DTD1: variants seen among roughly 807,000 people sequenced by gnomAD.
DTD1 encodes D-aminoacyl-tRNA deacylase 1, also known as D-tyrosyl-tRNA deacylase 1 homolog.
A neutral mutation model predicts 25.6 loss-of-function variants in DTD1; 13 were observed. The ratio of observed to expected loss-of-function variants is 0.51; its 90% CI spans 0.33 to 0.81. The LOEUF (loss-of-function observed/expected upper bound fraction) is 0.81. Among genes scored for constraint, DTD1 ranks in the 30% least tolerant of loss-of-function variants. The probability of loss-of-function intolerance (pLI) is 0.02; values close to 1 mark genes in which losing one functional copy is unlikely to be tolerated. For synonymous variants in DTD1, 110 were observed against 103.6 expected, an observed-to-expected ratio of 1.06 and a Z score of -0.37; for missense variants, 193 against 266.4, an observed-to-expected ratio of 0.72 and a Z score of 1.92.
intron 4 of DTD1, among the ~76,000 whole-genome samples, chr20:18,694,925 A>C (rs918050285): frequency 3.3e-5 from 5 of 152,188 alleles, no homozygotes; most frequent in Non-Finnish European, 7.3e-5. Flanking sequence ...TATGTACAGT[A>C]TGTGAAGAAA....
chr20:18,613,694 T>G (rs1041470737), intron 3 of DTD1, among the ~76,000 whole-genome samples: 1 of 152,206 alleles, frequency 6.6e-6, no homozygotes, highest in African/African-American at 2.4e-5. Context: ...CTGAGGTGAC[T>G]GGTGTGATGC....
chr20:18,650,596 T>C (rs527605362), intron 4 of DTD1, among the ~76,000 whole-genome samples: 4 of 152,232 alleles, frequency 2.6e-5, no homozygotes, highest in Non-Finnish European at 5.9e-5. Context: ...ATTGTCACTG[T>C]ATCTATTGGT....
intron 4 of DTD1, among the ~76,000 whole-genome samples, chr20:18,672,969 G>A (rs896195303): frequency 6.6e-6 from 1 of 152,196 alleles, no homozygotes; most frequent in East Asian, 1.9e-4. Context: ...TCGTCCAGCT[G>A]GGTTCTGCTT....
At chr20:18,708,252 T>TTTTATATATATAA (rs2061138740) in intron 4 of DTD1, among the ~76,000 whole-genome samples, 1 of 31,780 alleles carries the variant, frequency 3.1e-5, no homozygotes, top group East Asian at 1.4e-3. Context: ...ATAATATATA[T>TTTTATATATATAA]TATATATATA....
rs571839386 is a variant in DTD1 at position 18,687,582 on chromosome 20, A to G, written c.478-56518A>G. ...TCTTTTTCTCTTTTTTTATTGAGAT[A>G]AGGTTTCTGTCACCCAGGCTGGAGT... On this transcript the variant is annotated intron_variant, in intron 4 of 5. Transcript: ENST00000377452. Among the ~76,000 whole-genome samples, 5 of 152,060 alleles carry G rather than the reference A, an allele frequency of 3.3e-5. No homozygotes were observed. The South Asian group carries it at 1.0e-3, about 32-fold the overall frequency.
chr20:18,754,799 GCAA>G (rs1451429011), intron 5 of DTD1, among the ~76,000 whole-genome samples: 2 of 152,208 alleles, frequency 1.3e-5, no homozygotes, highest in Admixed American at 6.5e-5. Flanking sequence ...GAAATAGAGA[GCAA>G]CGTCTATTGA....
chr20:18,678,758 T>C (rs6132098), intron 4 of DTD1: 127,685 of 152,102 alleles, frequency 0.84, 54,468 homozygotes, highest in Non-Finnish European at 0.93. Flanking sequence ...CCGCCCTTCC[T>C]CTTCCCTTCC....
intron 1 of DTD1, among the ~76,000 whole-genome samples, chr20:18,592,879 C>T (rs1474400417): frequency 1.3e-5 from 2 of 151,566 alleles, no homozygotes; most frequent in East Asian, 1.9e-4. Flanking sequence ...GATGGGATTT[C>T]GCCATGTTGG....
intron 4 of DTD1, among the ~76,000 whole-genome samples, chr20:18,671,802 G>A (rs2060952049): frequency 6.6e-6 from 1 of 152,194 alleles, no homozygotes; most frequent in African/African-American, 2.4e-5. Context: ...AAGTGAGGTT[G>A]CTGGGGCAAG....
In DTD1 at chr20:18,708,011, G is replaced by T. The variant is rs1167969556; in HGVS notation, c.478-36089G>T. Among the ~76,000 whole-genome samples the T allele has an allele frequency of 7.3e-5, 11 of 150,476 alleles. 1 individual carries two copies. Among genetic ancestry groups the T allele is most frequent in the African/African-American group, 2.7e-4 (11 of 40,760 alleles). ...GGCGGGGCTTTGGGCCCATGCATTA[G>T]GGGATGGTTAGGAGCTTGGGGAGAC... On this transcript the variant is annotated intron_variant, in intron 4 of 5. Coordinates refer to ENST00000377452, the MANE Select transcript of DTD1 (RefSeq NM_080820.6).
At chr20:18,737,187 A>T (rs997054851) in intron 4 of DTD1, among the ~76,000 whole-genome samples, 1 of 151,872 alleles carries the variant, frequency 6.6e-6, no homozygotes, top group Admixed American at 6.6e-5. Flanking sequence ...TGGCCCTAAC[A>T]TCCTTGTCTT....
At chr20:18,641,837 T>G (rs558863655) in intron 4 of DTD1, among the ~76,000 whole-genome samples, 79 of 152,364 alleles carry the variant, frequency 5.2e-4, no homozygotes, top group South Asian at 3.7e-3. Context: ...GTTGGTGGTG[T>G]TTTCTGATGT....
rs150529250 is a variant in DTD1, at chr20:18,628,718, G to A, written c.477+485G>A. Among the ~76,000 whole-genome samples the A allele has an allele frequency of 1.3e-3, 203 of 152,316 alleles. 2 individuals are homozygous for A. Among genetic ancestry groups the A allele is most frequent in the African/African-American group, 4.8e-3 (198 of 41,568 alleles). On this transcript the variant is annotated intron_variant, in intron 4 of 5. Coordinates refer to ENST00000377452, the MANE Select transcript of DTD1 (RefSeq NM_080820.6). ...ATTTGTAAGCTCTCATGAAATAAAA[G>A]TTAATTAAAATAGAGAAAGGAAATG...
intron 4 of DTD1, among the ~76,000 whole-genome samples, chr20:18,642,239 T>G (rs1280939538): frequency 6.6e-6 from 1 of 152,146 alleles, no homozygotes; most frequent in African/African-American, 2.4e-5. Flanking sequence ...AAAATTAGCA[T>G]TGACATTTTA....
chr20:18,729,030 G>A (rs1157988672), intron 4 of DTD1, among the ~76,000 whole-genome samples: 1 of 152,182 alleles, frequency 6.6e-6, no homozygotes, highest in African/African-American at 2.4e-5. Flanking sequence ...TTAAGATAGG[G>A]TCTCACTCTG....
At chr20:18,753,565 G>A (rs569069001) in intron 5 of DTD1, among the ~76,000 whole-genome samples, 18 of 122,454 alleles carry the variant, frequency 1.5e-4, no homozygotes, top group African/African-American at 5.0e-4. Flanking sequence ...CTGAGATCGC[G>A]CCACTGCACT....
At chr20:18,647,609 G>A (rs910936404) in intron 4 of DTD1, among the ~76,000 whole-genome samples, 4 of 152,168 alleles carry the variant, frequency 2.6e-5, no homozygotes, top group African/African-American at 9.7e-5. Flanking sequence ...GGGAATGAAA[G>A]CAGGTGAGTC....
At position 18,762,880 on chromosome 20, in the gene DTD1, C is replaced by G. The variant is rs554231727; in HGVS notation, c.*20-480C>G. ...TCCTTCTCTGCTTGTTTTGGATTTA[C>G]TTTGCTTTTATTCTTCAATTTCTTA... On this transcript the variant is annotated intron_variant, in intron 5 of 5. Coordinates refer to ENST00000377452, the MANE Select transcript of DTD1 (RefSeq NM_080820.6). Among the ~76,000 whole-genome samples the G allele has an allele frequency of 7.8e-4, 119 of 152,028 alleles. 1 individual carries two copies. The highest frequency in any genetic ancestry group is 2.5e-3 in the African/African-American group (104 of 41,472).
chr20:18,724,722 A>C (rs2061217245), intron 4 of DTD1, among the ~76,000 whole-genome samples: 1 of 152,192 alleles, frequency 6.6e-6, no homozygotes, highest in Non-Finnish European at 1.5e-5. Context: ...CTTCAAATTG[A>C]CCTAAAAACA....
Sources: allele counts gnomAD v4.1 joint callset (sites outside exome capture counted in the v4.1 genomes callset), GRCh38; gene constraint gnomAD v4.1.1; transcripts MANE v1.5; gene names NCBI Gene and HGNC (gene_info 2026-07-23, HGNC 2026-07-21).